Variants in MAN1C1 observed in about 807,000 individuals in gnomAD.
MAN1C1 encodes mannosyl-oligosaccharide 1,2-alpha-mannosidase IC.
MAN1C1 carries 49 observed loss-of-function variants against 71.5 expected under a neutral mutation model. The observed-to-expected ratio is 0.69, with a 90% CI of 0.54 to 0.87. The LOEUF (loss-of-function observed/expected upper bound fraction) is 0.87. MAN1C1 is among the 40% of genes least tolerant of loss of function. MAN1C1 has a pLI of 0.00. For missense variants in MAN1C1, 743 were observed against 835.0 expected, an observed-to-expected ratio of 0.89 and a Z score of 1.36; for synonymous variants, 352 against 343.7, an observed-to-expected ratio of 1.02 and a Z score of -0.27.
At position 25,727,741 on chromosome 1, in the gene MAN1C1, G is replaced by A. The variant is rs576792863; in HGVS notation, c.638-18927G>A. Among the ~76,000 whole-genome samples the A allele has an allele frequency of 4.6e-5, 7 of 152,326 alleles. No homozygotes were observed. In the South Asian group the frequency reaches 1.4e-3, roughly 32 times the overall value. On this transcript the variant is annotated intron_variant, in intron 2 of 11. Transcript: ENST00000374332. ...GGGAGTGTGGGATGCTTAGGAGCGG[G>A]GTACAGGCTGAGCCTCAGCCACCCT...
At chr1:25,733,818 G>A (rs895428954) in intron 2 of MAN1C1, among the ~76,000 whole-genome samples, 4 of 148,278 alleles carry the variant, frequency 2.7e-5, no homozygotes, top group African/African-American at 5.0e-5. Flanking sequence ...ATTTTTTTTT[G>A]AGACGGAGTC....
intron 6 of MAN1C1, 51 bp from the exon 7 acceptor site, chr1:25,763,823 G>A: frequency 6.7e-7 from 1 of 1,484,166 alleles, no homozygotes. Flanking sequence ...GCTGGGTGCA[G>A]TCGGCTTCTT....
chr1:25,654,543 A>G (rs3754156), intron 1 of MAN1C1, among the ~76,000 whole-genome samples: 13,261 of 152,142 alleles, frequency 0.087, 1,271 homozygotes, highest in East Asian at 0.22. Flanking sequence ...TGCTTTCTTT[A>G]TGCTTTGCTT....
At chr1:25,731,971 T>C (rs1489110188) in intron 2 of MAN1C1, among the ~76,000 whole-genome samples, 1 of 152,216 alleles carries the variant, frequency 6.6e-6, no homozygotes, top group African/African-American at 2.4e-5. Flanking sequence ...TGGCAGGATC[T>C]CTTCCTTCCA....
Position 25,628,045 on chromosome 1 carries a change from T to TA in MAN1C1, c.540+9714dup, listed in dbSNP as rs561272395. Reference sequence around the variant, plus strand: ...CTGGGTGACAGAGTGAGGCACTGTCTAAAAAACTGAGATTTTGACTGAGTT... The same window carrying TA: ...CTGGGTGACAGAGTGAGGCACTGTCTAAAAAAACTGAGATTTTGACTGAGTT... On this transcript the variant is annotated intron_variant, in intron 1 of 11. Transcript: ENST00000374332. Among the ~76,000 whole-genome samples the TA allele has an allele frequency of 5.0e-4, 76 of 152,196 alleles. No homozygotes were observed. The East Asian group carries it at 0.01, about 21-fold the overall frequency.
intron 10 of MAN1C1, among the ~76,000 whole-genome samples, chr1:25,781,988 C>T (rs2047702300): frequency 6.6e-6 from 1 of 152,118 alleles, no homozygotes; most frequent in Non-Finnish European, 1.5e-5. Context: ...GGGGCTGAGG[C>T]AAGAGGATTG....
chr1:25,644,518 A>ATATATATATATATTTT (rs61386117), intron 1 of MAN1C1: 1 of 40,290 alleles, frequency 2.5e-5, no homozygotes, highest in Non-Finnish European at 3.6e-5. Context: ...ATATATATAT[A>ATATATATATATATTTT]TTTTTTTTTT....
intron 1 of MAN1C1, among the ~76,000 whole-genome samples, chr1:25,625,537 C>T (rs1467951307): frequency 6.6e-6 from 1 of 152,088 alleles, no homozygotes; most frequent in African/African-American, 2.4e-5. Context: ...AGTAGTAAGC[C>T]AGGTACAATG....
At chr1:25,709,740 A>ATATT (rs1553189191) in intron 2 of MAN1C1, 14 of 151,578 alleles carry the variant, frequency 9.2e-5, no homozygotes, top group African/African-American at 3.1e-4. Flanking sequence ...CTATCTATCT[A>ATATT]TATTTATTTA....
chr1:25,633,581 G>A (rs1219445208), intron 1 of MAN1C1, among the ~76,000 whole-genome samples: 1 of 149,654 alleles, frequency 6.7e-6, no homozygotes, highest in East Asian at 2.0e-4. Flanking sequence ...TGTCTTATCA[G>A]ATATAAGAAT....
intron 7 of MAN1C1, among the ~76,000 whole-genome samples, chr1:25,766,916 C>T (rs1332870110): frequency 6.6e-6 from 1 of 152,018 alleles, no homozygotes; most frequent in African/African-American, 2.4e-5. Context: ...TGTGGCCCAG[C>T]CTCCTGCTGC....
intron 2 of MAN1C1, among the ~76,000 whole-genome samples, chr1:25,715,522 G>A (rs1199700760): frequency 6.6e-6 from 1 of 152,206 alleles, no homozygotes; most frequent in Non-Finnish European, 1.5e-5. Flanking sequence ...GTGGACCTAG[G>A]TGTGAAAGTT....
chr1:25,759,335 A>G (rs2047331065), intron 6 of MAN1C1: 1 of 152,958 alleles, frequency 6.5e-6, no homozygotes, highest in African/African-American at 2.4e-5. Flanking sequence ...CCTCAAATCC[A>G]AAGAAGGGAA....
At chr1:25,657,261 A>G (rs2045781457) in intron 1 of MAN1C1, among the ~76,000 whole-genome samples, 1 of 152,206 alleles carries the variant, frequency 6.6e-6, no homozygotes, top group Non-Finnish European at 1.5e-5. Context: ...TTCTAGGAGT[A>G]AAGGAGCTTT....
intron 2 of MAN1C1, among the ~76,000 whole-genome samples, chr1:25,722,588 T>G (rs1002697585): frequency 6.6e-6 from 1 of 152,272 alleles, no homozygotes; most frequent in Non-Finnish European, 1.5e-5. Context: ...GTTCTTTTGT[T>G]GAGCATTCTG....
intron 1 of MAN1C1, among the ~76,000 whole-genome samples, chr1:25,632,579 T>G (rs865829507): frequency 6.6e-6 from 1 of 152,310 alleles, no homozygotes. Flanking sequence ...TTCCTTGAGG[T>G]GTAACATTAG....
chr1:25,713,701 G>C (rs904402262), intron 2 of MAN1C1, among the ~76,000 whole-genome samples: 3 of 152,092 alleles, frequency 2.0e-5, no homozygotes, highest in Non-Finnish European at 4.4e-5. Context: ...CCTCATCTCC[G>C]GCCTCTGTTC....
chr1:25,750,541 T>C (rs1351887911), intron 4 of MAN1C1, among the ~76,000 whole-genome samples: 1 of 152,160 alleles, frequency 6.6e-6, no homozygotes. Context: ...GTCTGGAAAG[T>C]CATTTCCGCT....
At chr1:25,742,472 G>A (rs1018473211) in intron 2 of MAN1C1, among the ~76,000 whole-genome samples, 5 of 152,186 alleles carry the variant, frequency 3.3e-5, no homozygotes, top group Admixed American at 6.5e-5. Flanking sequence ...GCAATCTCAC[G>A]CTCACGTTGC....
Sources: gnomAD v4.1 joint callset for allele counts (sites outside exome capture counted in the v4.1 genomes callset) on GRCh38, gnomAD v4.1.1 for gene constraint, MANE v1.5 for transcripts, NCBI Gene and HGNC (gene_info 2026-07-23, HGNC 2026-07-21) for gene names.